WWOX: variants seen among roughly 807,000 people sequenced by gnomAD.
WWOX encodes WW domain containing oxidoreductase.
Under a neutral mutation model 46.2 loss-of-function variants are expected in WWOX, and 69 were observed. The ratio of observed to expected loss-of-function variants is 1.49; its 90% CI spans 1.23 to 1.82. WWOX has a LOEUF of 1.82. Among genes scored for constraint, WWOX ranks in the 40% most tolerant of loss-of-function variants. WWOX has a pLI of 0.00. For missense variants in WWOX, 919 were observed against 542.6 expected, an observed-to-expected ratio of 1.69 and a Z score of -6.89; for synonymous variants, 359 against 202.6, an observed-to-expected ratio of 1.77 and a Z score of -6.56.
chr16:79,001,234 C>G (rs1003501309), intron 8 of WWOX, among the ~76,000 whole-genome samples: 9 of 152,292 alleles, frequency 5.9e-5, no homozygotes, highest in African/African-American at 2.2e-4. Context: ...TAGAGACAGG[C>G]TGGCAGCTTT....
intron 5 of WWOX, among the ~76,000 whole-genome samples, chr16:78,257,545 T>C (rs2038165193): frequency 6.6e-6 from 1 of 152,208 alleles, no homozygotes; most frequent in Non-Finnish European, 1.5e-5. Context: ...AAGGAGAACC[T>C]GCAGGGAGCT....
intron 8 of WWOX, among the ~76,000 whole-genome samples, chr16:78,636,769 T>C (rs1303703511): frequency 6.6e-6 from 1 of 152,150 alleles, no homozygotes; most frequent in African/African-American, 2.4e-5. Flanking sequence ...TCTGGAGTCA[T>C]GTGTTTGCTT....
chr16:78,471,944 A>C (rs2084232288), intron 8 of WWOX, among the ~76,000 whole-genome samples: 1 of 152,180 alleles, frequency 6.6e-6, no homozygotes. Context: ...ACATACTTCA[A>C]ATACTATTAA....
At chr16:78,241,889 C>A (rs982762656) in intron 5 of WWOX, among the ~76,000 whole-genome samples, 3 of 152,172 alleles carry the variant, frequency 2.0e-5, no homozygotes, top group Non-Finnish European at 4.4e-5. Flanking sequence ...TGCCTGGCAG[C>A]GTCACGTAGT....
intron 8 of WWOX, among the ~76,000 whole-genome samples, chr16:78,510,064 AGTCTGTCT>A (rs59985442): frequency 1.9e-3 from 283 of 150,284 alleles, no homozygotes; most frequent in Admixed American, 2.6e-3. Flanking sequence ...CCTGTCTCCA[AGTCTGTCT>A]GTCTGTCTGT....
intron 8 of WWOX, among the ~76,000 whole-genome samples, chr16:79,153,181 C>T (rs1597425016): frequency 6.6e-6 from 1 of 152,140 alleles, no homozygotes; most frequent in South Asian, 2.1e-4. Flanking sequence ...TTTATCATCT[C>T]CATGTGAGGA....
chr16:78,114,844 C>T (rs1756592506), intron 3 of WWOX, 132 bp from the exon 4 acceptor site: 2 of 1,120,900 alleles, frequency 1.8e-6, no homozygotes, highest in Non-Finnish European at 1.3e-6. Flanking sequence ...CAGTGGGCCC[C>T]AGTTCTTTCA....
intron 8 of WWOX, among the ~76,000 whole-genome samples, chr16:78,813,732 T>A (rs1041631025): frequency 3.3e-5 from 5 of 152,240 alleles, no homozygotes; most frequent in African/African-American, 1.2e-4. Context: ...CTGCTTTCTC[T>A]TTGTCGCCGT....
intron 8 of WWOX, among the ~76,000 whole-genome samples, chr16:79,153,724 G>A (rs910113625): frequency 1.1e-4 from 16 of 152,124 alleles, no homozygotes; most frequent in Admixed American, 4.6e-4. Context: ...AAAGGTTAGT[G>A]AAAGCAACCT....
intron 8 of WWOX, among the ~76,000 whole-genome samples, chr16:78,781,838 A>C (rs1015879765): frequency 6.6e-6 from 1 of 152,222 alleles, no homozygotes; most frequent in Non-Finnish European, 1.5e-5. Flanking sequence ...GATGACGATG[A>C]TGGTAGCAGT....
At chr16:78,447,150 A>C (rs907066210) in intron 8 of WWOX, among the ~76,000 whole-genome samples, 2 of 152,194 alleles carry the variant, frequency 1.3e-5, no homozygotes, top group Admixed American at 6.5e-5. Context: ...ATTTGATCTT[A>C]CAAAAATCTG....
At chr16:78,373,688 G>C (rs1039762294) in intron 5 of WWOX, among the ~76,000 whole-genome samples, 1 of 151,654 alleles carries the variant, frequency 6.6e-6, no homozygotes, top group African/African-American at 2.4e-5. Flanking sequence ...GTGAATTTAA[G>C]TTCATGTTTC....
intron 8 of WWOX, among the ~76,000 whole-genome samples, chr16:79,001,523 A>G (rs1250467793): frequency 6.6e-6 from 1 of 152,188 alleles, no homozygotes; most frequent in Non-Finnish European, 1.5e-5. Flanking sequence ...AATTAAGTCG[A>G]AGTACATTTT....
At chr16:78,445,841 G>A (rs1391048626) in intron 8 of WWOX, among the ~76,000 whole-genome samples, 1 of 149,256 alleles carries the variant, frequency 6.7e-6, no homozygotes, top group Non-Finnish European at 1.5e-5. Flanking sequence ...TCGTGCCACT[G>A]TACTCCAGCC....
At chr16:78,819,549 G>T (rs964030706) in intron 8 of WWOX, among the ~76,000 whole-genome samples, 1 of 152,228 alleles carries the variant, frequency 6.6e-6, no homozygotes, top group Non-Finnish European at 1.5e-5. Flanking sequence ...TGGCAGAACT[G>T]CCTCGGAATT....
intron 7 of WWOX, among the ~76,000 whole-genome samples, chr16:78,430,893 C>T (rs917422471): frequency 1.8e-4 from 28 of 152,160 alleles, no homozygotes; most frequent in African/African-American, 6.8e-4. Flanking sequence ...CTTAGCCCAA[C>T]CTGAGCTGCT....
At position 78,176,764 on chromosome 16, in the gene WWOX, C is replaced by T. The variant is rs115194064; in HGVS notation, c.516+12475C>T. Among the ~76,000 whole-genome samples the T allele has an allele frequency of 6.3e-3, 954 of 152,178 alleles. 7 individuals carry two copies. The highest frequency in any genetic ancestry group is 0.022 in the African/African-American group (906 of 41,526). On this transcript the variant is annotated intron_variant, in intron 5 of 8. Coordinates refer to ENST00000566780, the MANE Select transcript of WWOX (RefSeq NM_016373.4). ...CAGGAGAGAATTAGTTGATGAATTACAGGATGCTTAAAATCTACATCAAAT... is the reference window on the plus strand; with the variant it reads ...CAGGAGAGAATTAGTTGATGAATTATAGGATGCTTAAAATCTACATCAAAT...
intron 5 of WWOX, among the ~76,000 whole-genome samples, chr16:78,381,233 A>G (rs2081950615): frequency 6.6e-6 from 1 of 152,260 alleles, no homozygotes. Flanking sequence ...TTATAGTCAT[A>G]AAATGATACT....
At position 78,745,483 on chromosome 16, in the gene WWOX, G is replaced by A. The variant is rs151306869; in HGVS notation, c.1056+312731G>A. On this transcript the variant is annotated intron_variant, in intron 8 of 8. Transcript: ENST00000566780. Reference sequence around the variant, plus strand: ...GAAGGACCCTATTTTAATGTTTAGCGTTTGGGGGTCACTCCATAGAGAGGG... The same window carrying A: ...GAAGGACCCTATTTTAATGTTTAGCATTTGGGGGTCACTCCATAGAGAGGG... Among the ~76,000 whole-genome samples, 264 of 141,072 alleles carry A rather than the reference G, an allele frequency of 1.9e-3. 1 individual carries two copies. Among genetic ancestry groups the A allele is most frequent in the Middle Eastern group, 4.2e-3 (1 of 240 alleles). 92.5% of individuals were successfully genotyped at this position (141,072 alleles called of 152,430 possible).
Sources: allele counts gnomAD v4.1 joint callset (sites outside exome capture counted in the v4.1 genomes callset), GRCh38; gene constraint gnomAD v4.1.1; transcripts MANE v1.5; gene names NCBI Gene and HGNC (gene_info 2026-07-23, HGNC 2026-07-21).